The following MRPL44 variants were observed in gnomAD, a reference collection of about 807,000 sequenced individuals.
MRPL44 encodes large ribosomal subunit protein mL44.
A neutral mutation model predicts 25.9 loss-of-function variants in MRPL44; 21 were observed. The ratio of observed to expected loss-of-function variants is 0.81; its 90% CI spans 0.58 to 1.17. MRPL44 has a LOEUF of 1.17. Ranked by LOEUF, MRPL44 falls within the 50% of genes most tolerant of loss-of-function variation. MRPL44 has a pLI of 0.00. For synonymous variants in MRPL44, 169 were observed against 151.0 expected (o/e 1.12, Z -0.87); for missense variants, 410 against 398.9 (o/e 1.03, Z -0.24).
rs781207445 is a variant in MRPL44 at position 223,966,959 on chromosome 2, A to G, written c.924A>G (p.Thr308=). The G allele has an allele frequency of 3.7e-6, 6 of 1,614,090 alleles. No individual in the cohort carries two copies. The highest frequency in any genetic ancestry group is 1.1e-5 in the South Asian group (1 of 91,086). Residue 308 remains threonine (T), a synonymous_variant, in exon 4 of 4, where the codon ACA becomes ACG. Coordinates refer to ENST00000258383, the MANE Select transcript of MRPL44 (RefSeq NM_022915.5). ...RVALRKLYGF[T]ENRRPWNYSK... ...CCCTTAGAAAACTTTATGGATTCAC[A>G]GAAAATAGACGGCCGTGGAACTATT...
chr2:223,963,946 T>G lies in MRPL44; in HGVS notation c.827+12T>G, dbSNP rs752002300. Reference sequence around the variant, plus strand: ...GTTGGCTTATACTGGTTAGTGAAATTTTAATCTTAACTTTATAACTTTGAG... The same window carrying G: ...GTTGGCTTATACTGGTTAGTGAAATGTTAATCTTAACTTTATAACTTTGAG... On this transcript the variant is annotated intron_variant, in intron 3 of 3. Transcript: ENST00000258383. 6.2e-7 allele frequency: 1 copy of G among 1,605,186 alleles called. No individual in the cohort carries two copies. The highest frequency in any genetic ancestry group is 8.5e-7 in the Non-Finnish European group (1 of 1,176,310).
At chr2:223,965,247 ATG>A (rs1689723529) in intron 3 of MRPL44, among the ~76,000 whole-genome samples, 1 of 152,190 alleles carries the variant, frequency 6.6e-6, no homozygotes, top group Non-Finnish European at 1.5e-5. Flanking sequence ...GCAAATTTGT[ATG>A]TGTTTATTAT....
intron 3 of MRPL44, among the ~76,000 whole-genome samples, chr2:223,966,295 A>C (rs2106120251): frequency 6.6e-6 from 1 of 152,106 alleles, no homozygotes; most frequent in East Asian, 1.9e-4. Context: ...AATTTGAAAT[A>C]TAGAGCTGGT....
chr2:223,962,733 G>A (rs1454314780), intron 2 of MRPL44, among the ~76,000 whole-genome samples: 5 of 151,966 alleles, frequency 3.3e-5, no homozygotes, highest in South Asian at 2.1e-4. Flanking sequence ...GAGTCTTGCC[G>A]TGTTGCCCAG....
At chr2:223,966,738 T>C in intron 3 of MRPL44, 125 bp from the exon 4 acceptor site, 1 of 751,072 alleles carries the variant, frequency 1.3e-6, no homozygotes, top group Non-Finnish European at 2.1e-6. Context: ...CTATCAGAGC[T>C]ATTGTGTTAC....
intron 2 of MRPL44, 143 bp from the exon 3 acceptor site, chr2:223,963,613 T>A: frequency 2.1e-6 from 1 of 485,398 alleles, no homozygotes; most frequent in Non-Finnish European, 3.4e-6. Context: ...CATTTTTGTC[T>A]TTCGTTTCCC....
At chr2:223,959,228 A>G (rs1206362917) in intron 1 of MRPL44, among the ~76,000 whole-genome samples, 2 of 152,220 alleles carry the variant, frequency 1.3e-5, no homozygotes, top group African/African-American at 4.8e-5. Context: ...TCATGGTTAG[A>G]GCAGAAATAA....
intron 3 of MRPL44, among the ~76,000 whole-genome samples, chr2:223,966,649 A>G (rs1689745777): frequency 6.6e-6 from 1 of 152,240 alleles, no homozygotes; most frequent in Non-Finnish European, 1.5e-5. Context: ...TATATTTCTA[A>G]GGAAACGTAA....
intron 3 of MRPL44, among the ~76,000 whole-genome samples, chr2:223,966,097 G>A (rs933116858): frequency 1.3e-5 from 2 of 152,146 alleles, no homozygotes; most frequent in African/African-American, 2.4e-5. Flanking sequence ...GTTGGCGGGT[G>A]CGTTGGCGGG....
intron 2 of MRPL44, among the ~76,000 whole-genome samples, chr2:223,961,502 C>T (rs1335110866): frequency 6.6e-6 from 1 of 152,202 alleles, no homozygotes; most frequent in Non-Finnish European, 1.5e-5. Context: ...CAGGCACCCC[C>T]TCAGAGTACA....
At chr2:223,962,914 C>T (rs763158145) in intron 2 of MRPL44, among the ~76,000 whole-genome samples, 127 of 152,186 alleles carry the variant, frequency 8.3e-4, no homozygotes, top group African/African-American at 2.9e-3. Flanking sequence ...GTTGGCCAGG[C>T]TACTCTCGAA....
At chr2:223,952,902 T>C (rs184869164), upstream of MRPL44, among the ~76,000 whole-genome samples, 2 of 152,354 alleles carry the variant, frequency 1.3e-5, no homozygotes, top group East Asian at 3.9e-4. Context: ...TGATTCATCA[T>C]TGTTTGATCA....
Position 223,963,736 on chromosome 2 carries a change from AATT to A in MRPL44, c.649-17_649-15del. 1.4e-6 allele frequency: 2 copies of A among 1,475,026 alleles called. No homozygotes were observed. Among genetic ancestry groups the A allele is most frequent in the South Asian group, 2.7e-5 (2 of 74,652 alleles). 91.4% of individuals were successfully genotyped at this position (1,475,026 alleles called of 1,614,324 possible). On this transcript the variant is annotated splice_polypyrimidine_tract_variant and intron_variant, in intron 2 of 3. Coordinates refer to ENST00000258383, the MANE Select transcript of MRPL44 (RefSeq NM_022915.5). ...TTCTTTCTACTAATTAAAATGTATA[AATT>A]ATATTTTTATATGCAGGACTTCTTA...
intron 2 of MRPL44, 27 bp from the exon 3 acceptor site, chr2:223,963,729 A>G: frequency 7.1e-7 from 1 of 1,413,000 alleles, no homozygotes; most frequent in Non-Finnish European, 9.5e-7. Flanking sequence ...ACTAATTAAA[A>G]TGTATAAATT....
At chr2:223,952,574 G>A (rs1689508601), upstream of MRPL44, among the ~76,000 whole-genome samples, 1 of 152,128 alleles carries the variant, frequency 6.6e-6, no homozygotes, top group Admixed American at 6.5e-5. Flanking sequence ...TTAACTTGTA[G>A]TACTGTTAAA....
chr2:223,959,013 C>T (rs969928779), intron 1 of MRPL44, among the ~76,000 whole-genome samples: 2 of 152,078 alleles, frequency 1.3e-5, no homozygotes, highest in African/African-American at 2.4e-5. Flanking sequence ...CACAATAGAC[C>T]GAAGTACAGT....
chr2:223,964,136 G>C (rs1156393200), intron 3 of MRPL44, among the ~76,000 whole-genome samples: 3 of 152,034 alleles, frequency 2.0e-5, no homozygotes, highest in Non-Finnish European at 4.4e-5. Flanking sequence ...TTCCCTTCCC[G>C]CTAGTTATGC....
At chr2:223,955,008 A>C (rs1217873926), upstream of MRPL44, among the ~76,000 whole-genome samples, 1 of 152,134 alleles carries the variant, frequency 6.6e-6, no homozygotes, top group Non-Finnish European at 1.5e-5. Context: ...TTCTTGATCA[A>C]TTTTCTATAC....
intron 1 of MRPL44, among the ~76,000 whole-genome samples, chr2:223,957,921 G>T (rs976011594): frequency 6.6e-6 from 1 of 152,124 alleles, no homozygotes; most frequent in Non-Finnish European, 1.5e-5. Flanking sequence ...CTAACTGGAG[G>T]GTCTTCCTTA....
Sources: allele counts gnomAD v4.1 joint callset (sites outside exome capture counted in the v4.1 genomes callset), GRCh38; gene constraint gnomAD v4.1.1; transcripts MANE v1.5; gene names NCBI Gene and HGNC (gene_info 2026-07-23, HGNC 2026-07-21).